NBEA: variants seen among roughly 807,000 people sequenced by gnomAD.
NBEA encodes neurobeachin, also known as lysosomal-trafficking regulator 2.
In NBEA, 44 loss-of-function variants were observed where a neutral mutation model predicts 343.4. The ratio of observed to expected loss-of-function variants is 0.13; its 90% CI spans 0.10 to 0.16. The LOEUF (loss-of-function observed/expected upper bound fraction) is 0.16. Among genes scored for constraint, NBEA ranks in the 10% least tolerant of loss-of-function variants. NBEA has a pLI of 1.00. For synonymous variants in NBEA, 1,175 were observed against 1,238.7 expected, an observed-to-expected ratio of 0.95 and a Z score of 1.08; for missense variants, 2,555 against 3,631.3, an observed-to-expected ratio of 0.70 and a Z score of 7.62.
chr13:35,128,088 G>T lies in NBEA; in HGVS notation c.2336+4514G>T, dbSNP rs377119809. On this transcript the variant is annotated intron_variant, in intron 17 of 58. Transcript: ENST00000379939. ...TATAAGTACAAAGAAAGCAGAAAGGGGTGGGGGGAGGGGGGAGGGATGGCA... is the reference window on the plus strand; with the variant it reads ...TATAAGTACAAAGAAAGCAGAAAGGTGTGGGGGGAGGGGGGAGGGATGGCA... Among the ~76,000 whole-genome samples, 15 of 115,744 alleles carry T rather than the reference G, an allele frequency of 1.3e-4. No homozygotes were observed. The East Asian group carries it at 3.4e-3, about 26-fold the overall frequency. The allele number at this position is 115,744 out of a possible 152,430, so 75.9% of individuals were successfully genotyped here.
chr13:35,506,416 G>A (rs774626891), intron 41 of NBEA, among the ~76,000 whole-genome samples: 30 of 152,122 alleles, frequency 2.0e-4, no homozygotes, highest in Admixed American at 7.2e-4. Context: ...TACGGCAGTA[G>A]TTTAAATACT....
At chr13:35,579,250 A>G (rs1324842945) in intron 45 of NBEA, among the ~76,000 whole-genome samples, 2 of 152,158 alleles carry the variant, frequency 1.3e-5, no homozygotes, top group Non-Finnish European at 2.9e-5. Context: ...GACATTGACC[A>G]TTCATCAGAT....
chr13:35,081,870 T>C (rs2064422053), intron 10 of NBEA, among the ~76,000 whole-genome samples: 1 of 152,040 alleles, frequency 6.6e-6, no homozygotes, highest in Non-Finnish European at 1.5e-5. Context: ...CAAGTAAGGG[T>C]ATTTGATCAT....
intron 41 of NBEA, among the ~76,000 whole-genome samples, chr13:35,512,070 A>G (rs1388036305): frequency 6.6e-6 from 1 of 152,180 alleles, no homozygotes; most frequent in Non-Finnish European, 1.5e-5. Context: ...AATTTTTAAA[A>G]CCTCAATGTC....
intron 38 of NBEA, among the ~76,000 whole-genome samples, chr13:35,392,788 T>G (rs2042568113): frequency 6.6e-6 from 1 of 152,156 alleles, no homozygotes; most frequent in African/African-American, 2.4e-5. Context: ...ATGGGACTTT[T>G]TTTGCCCTAG....
chr13:34,988,159 C>T (rs2060624234), intron 1 of NBEA, among the ~76,000 whole-genome samples: 1 of 150,878 alleles, frequency 6.6e-6, no homozygotes, highest in Non-Finnish European at 1.5e-5. Context: ...AATCTTTCCT[C>T]TGGAAGGTTC....
intron 34 of NBEA, among the ~76,000 whole-genome samples, chr13:35,281,508 G>A (rs115229394): frequency 2.7e-3 from 411 of 152,182 alleles, no homozygotes; most frequent in African/African-American, 9.0e-3. Context: ...ACCTCTACTT[G>A]AACCTGCCTT....
chr13:35,576,219 C>A (rs1183713464), intron 45 of NBEA, among the ~76,000 whole-genome samples: 2 of 151,354 alleles, frequency 1.3e-5, no homozygotes, highest in Non-Finnish European at 2.9e-5. Flanking sequence ...GAGATTCAGG[C>A]AATTCTCCTG....
rs180673152 is a variant in NBEA, at chr13:35,198,186, A to G, written c.5366+1884A>G. Among the ~76,000 whole-genome samples, 5 of 152,120 alleles carry G rather than the reference A, an allele frequency of 3.3e-5. No homozygotes were observed. The East Asian group carries it at 9.7e-4, about 29-fold the overall frequency. On this transcript the variant is annotated intron_variant, in intron 31 of 58. Coordinates refer to ENST00000379939, the MANE Select transcript of NBEA (RefSeq NM_001385012.1). ...CACATTTATTTCACCTTTTTCACAT[A>G]TTTGGTTTATGTTTTCACGATATGC...
intron 31 of NBEA, among the ~76,000 whole-genome samples, chr13:35,202,626 C>G (rs567320539): frequency 6.6e-6 from 1 of 152,216 alleles, no homozygotes; most frequent in Non-Finnish European, 1.5e-5. Context: ...TACCACTTTT[C>G]CTGTCCCTTT....
intron 11 of NBEA, among the ~76,000 whole-genome samples, chr13:35,102,194 C>T (rs2065679688): frequency 6.6e-6 from 1 of 151,428 alleles, no homozygotes; most frequent in Non-Finnish European, 1.5e-5. Context: ...TGGCCCAGTA[C>T]CATTTTTTGA....
chr13:35,314,264 G>C (rs1473395580), intron 36 of NBEA, among the ~76,000 whole-genome samples: 2 of 152,120 alleles, frequency 1.3e-5, no homozygotes, highest in Admixed American at 1.3e-4. Context: ...AAAGAATGGA[G>C]AAGAGAAAAA....
At chr13:35,445,802 ATATATATATATATATG>A (rs1341106981) in intron 39 of NBEA, among the ~76,000 whole-genome samples, 3 of 84,768 alleles carry the variant, frequency 3.5e-5, no homozygotes, top group African/African-American at 5.3e-5. Context: ...ATATATATAT[ATATATATATATATATG>A]TATATATATA....
intron 48 of NBEA, among the ~76,000 whole-genome samples, chr13:35,607,900 A>G (rs745364458): frequency 3.3e-5 from 5 of 152,120 alleles, no homozygotes; most frequent in Non-Finnish European, 5.9e-5. Context: ...CATTCTCCCC[A>G]GCTAGCCCAA....
intron 10 of NBEA, among the ~76,000 whole-genome samples, chr13:35,071,987 G>A (rs1354364075): frequency 1.3e-5 from 2 of 152,030 alleles, no homozygotes; most frequent in Non-Finnish European, 2.9e-5. Context: ...GAAGTGAAAA[G>A]GAATCCTGAG....
intron 49 of NBEA, among the ~76,000 whole-genome samples, chr13:35,632,898 T>C (rs112496456): frequency 0.068 from 10,358 of 151,632 alleles, 402 homozygotes; most frequent in African/African-American, 0.095. Context: ...ACGGCCCCCC[T>C]GTACTATTTT....
intron 26 of NBEA, 87 bp from the exon 27 acceptor site, chr13:35,173,377 A>C: frequency 8.5e-7 from 1 of 1,176,904 alleles, no homozygotes; most frequent in Admixed American, 2.7e-5. Context: ...GGGGAAAGAA[A>C]GGGAAGAAGA....
At chr13:35,097,331 T>C (rs1180658704) in intron 10 of NBEA, among the ~76,000 whole-genome samples, 2 of 151,894 alleles carry the variant, frequency 1.3e-5, no homozygotes, top group African/African-American at 4.8e-5. Flanking sequence ...ATTTAAAATA[T>C]GTTTAGAAAT....
chr13:35,315,066 G>A (rs1308487641), intron 36 of NBEA, among the ~76,000 whole-genome samples: 1 of 152,126 alleles, frequency 6.6e-6, no homozygotes, highest in African/African-American at 2.4e-5. Flanking sequence ...CCATTTGCAT[G>A]CACATATAAC....
Sources: allele counts gnomAD v4.1 joint callset (sites outside exome capture counted in the v4.1 genomes callset), GRCh38; gene constraint gnomAD v4.1.1; transcripts MANE v1.5; gene names NCBI Gene and HGNC (gene_info 2026-07-23, HGNC 2026-07-21).